The following GRXCR1 variants were observed in gnomAD, a reference collection of about 807,000 sequenced individuals.
GRXCR1 encodes the protein glutaredoxin and cysteine rich domain containing 1.
GRXCR1 carries 27 observed loss-of-function variants against 27.3 expected under a neutral mutation model. The ratio of observed to expected loss-of-function variants is 0.99; its 90% CI spans 0.73 to 1.37. GRXCR1 has a LOEUF of 1.37. GRXCR1 is among the 40% of genes most tolerant of loss of function. The pLI, the probability that GRXCR1 is intolerant of heterozygous loss-of-function variation, is 0.00. For missense variants in GRXCR1, 379 were observed against 354.4 expected (o/e 1.07, Z -0.56); for synonymous variants, 122 against 131.1 (o/e 0.93, Z 0.47).
chr4:42,904,048 G>C (rs1746529445), intron 1 of GRXCR1, among the ~76,000 whole-genome samples: 1 of 152,132 alleles, frequency 6.6e-6, no homozygotes, highest in Non-Finnish European at 1.5e-5. Flanking sequence ...CCTCCATGTA[G>C]GAATGGACAG....
intron 1 of GRXCR1, among the ~76,000 whole-genome samples, chr4:42,895,972 G>A (rs944709709): frequency 5.3e-5 from 8 of 152,038 alleles, no homozygotes; most frequent in Non-Finnish European, 1.0e-4. Context: ...GTGAGCAGTC[G>A]GTATCTTGGA....
At chr4:43,027,428 G>A (rs1386761475) in intron 3 of GRXCR1, among the ~76,000 whole-genome samples, 2 of 152,304 alleles carry the variant, frequency 1.3e-5, no homozygotes, top group Non-Finnish European at 2.9e-5. Context: ...AGAAACAGTA[G>A]ACTCTTGGTA....
At chr4:42,942,927 C>T (rs953156504) in intron 1 of GRXCR1, among the ~76,000 whole-genome samples, 1 of 151,970 alleles carries the variant, frequency 6.6e-6, no homozygotes, top group Non-Finnish European at 1.5e-5. Context: ...AGATATGATG[C>T]CATTAATAAA....
intron 3 of GRXCR1, among the ~76,000 whole-genome samples, chr4:43,026,257 A>G (rs1286395720): frequency 6.6e-6 from 1 of 152,186 alleles, no homozygotes; most frequent in African/African-American, 2.4e-5. Flanking sequence ...AGCATCCAAT[A>G]TAACCCAACT....
chr4:42,896,749 A>G (rs1746354556), intron 1 of GRXCR1, among the ~76,000 whole-genome samples: 1 of 152,134 alleles, frequency 6.6e-6, no homozygotes, highest in South Asian at 2.1e-4. Flanking sequence ...CCAAGGGTAA[A>G]TAAAAATATT....
At chr4:43,025,833 G>A (rs906424960) in intron 3 of GRXCR1, among the ~76,000 whole-genome samples, 2 of 152,022 alleles carry the variant, frequency 1.3e-5, no homozygotes, top group African/African-American at 4.8e-5. Flanking sequence ...AAAATTAGCC[G>A]GGCAGGGTGG....
intron 1 of GRXCR1, among the ~76,000 whole-genome samples, chr4:42,898,082 A>G (rs1036173909): frequency 2.6e-5 from 4 of 151,858 alleles, no homozygotes; most frequent in African/African-American, 4.8e-5. Context: ...GTGTTGTACT[A>G]TATGCATAAA....
At position 43,030,515 on chromosome 4, in the gene GRXCR1, A is replaced by G. The variant is rs1291906392; in HGVS notation, c.848A>G (p.Gln283Arg). The G allele has an allele frequency of 6.2e-7, 1 of 1,614,186 alleles. No individual in the cohort carries two copies. Among genetic ancestry groups the G allele is most frequent in the Non-Finnish European group, 8.5e-7 (1 of 1,180,016 alleles). Residue 283 changes from glutamine (Q) to arginine (R), a missense_variant, in exon 4 of 4, where the codon CAG becomes CGG. Transcript: ENST00000399770. ...ACGGCTTGCAATGAAAATGGTCTTC[A>G]GCGTTGTAAGAACTGTGCTGGTTAA... is the stretch of plus-strand genomic sequence containing the variant. ...KCTACNENGL[Q>R]RCKNCAG
At chr4:42,958,047 G>T (rs144699229) in intron 1 of GRXCR1, among the ~76,000 whole-genome samples, 6 of 151,886 alleles carry the variant, frequency 4.0e-5, no homozygotes, top group Non-Finnish European at 8.8e-5. Flanking sequence ...GGGCTTGTTT[G>T]TACCCATCTA....
At chr4:42,931,576 A>T (rs1297729358) in intron 1 of GRXCR1, among the ~76,000 whole-genome samples, 3 of 150,962 alleles carry the variant, frequency 2.0e-5, no homozygotes, top group Non-Finnish European at 4.4e-5. Context: ...GGTCCTTTCA[A>T]TTTTTTTTTA....
intron 1 of GRXCR1, among the ~76,000 whole-genome samples, chr4:42,930,723 T>A (rs1430968743): frequency 6.6e-6 from 1 of 152,012 alleles, no homozygotes; most frequent in Non-Finnish European, 1.5e-5. Flanking sequence ...ATTACCTTTT[T>A]GAGCCTTGGA....
intron 2 of GRXCR1, among the ~76,000 whole-genome samples, chr4:43,017,636 A>C (rs1356057882): frequency 6.6e-6 from 1 of 152,236 alleles, no homozygotes. Context: ...TATGGAAGAA[A>C]TATTTCCATA....
Position 42,965,853 on chromosome 4 carries a change from C to T in GRXCR1, c.627+2719C>T, listed in dbSNP as rs78614312. Among the ~76,000 whole-genome samples the T allele has an allele frequency of 7.0e-3, 1,064 of 151,984 alleles. 17 individuals carry two copies. Among genetic ancestry groups the T allele is most frequent in the East Asian group, 0.062 (321 of 5,156 alleles). On this transcript the variant is annotated intron_variant, in intron 2 of 3. Transcript: ENST00000399770. ...AGAACAAGAGAACATTTTGTAGCTC[C>T]CTTTGCATTACTGTCAGTGTTACCC...
At chr4:42,973,161 A>G (rs1276930138) in intron 2 of GRXCR1, among the ~76,000 whole-genome samples, 1 of 152,140 alleles carries the variant, frequency 6.6e-6, no homozygotes, top group Non-Finnish European at 1.5e-5. Context: ...CAAGTTTGCT[A>G]GTTCCCAGTT....
chr4:42,917,792 G>A (rs1746917836), intron 1 of GRXCR1, among the ~76,000 whole-genome samples: 2 of 152,082 alleles, frequency 1.3e-5, no homozygotes, highest in South Asian at 4.1e-4. Context: ...ACTATTAGAG[G>A]ACAAGATAAA....
At chr4:42,958,221 C>A (rs896059007) in intron 1 of GRXCR1, among the ~76,000 whole-genome samples, 2 of 151,994 alleles carry the variant, frequency 1.3e-5, no homozygotes, top group Non-Finnish European at 2.9e-5. Context: ...TGGCTGAATT[C>A]TTTCTTTTAA....
intron 2 of GRXCR1, among the ~76,000 whole-genome samples, chr4:43,002,663 T>A (rs2109797598): frequency 7.2e-6 from 1 of 137,952 alleles, no homozygotes; most frequent in Admixed American, 7.2e-5. Flanking sequence ...TTCCCTACAA[T>A]ATTTTAGGTG....
intron 3 of GRXCR1, among the ~76,000 whole-genome samples, chr4:43,024,197 C>CTTTTTTTTTTTTTT (rs60704333): frequency 1.5e-4 from 14 of 94,258 alleles, no homozygotes; most frequent in African/African-American, 5.7e-4. Flanking sequence ...ATTTTCTGTC[C>CTTTTTTTTTTTTTT]TTTTTTTTTT....
chr4:42,973,980 T>G (rs548464575), intron 2 of GRXCR1, among the ~76,000 whole-genome samples: 1 of 152,272 alleles, frequency 6.6e-6, no homozygotes, highest in Admixed American at 6.5e-5. Context: ...TTGGTGGCTA[T>G]CTGCACAACA....
Sources: allele counts gnomAD v4.1 joint callset (sites outside exome capture counted in the v4.1 genomes callset), GRCh38; gene constraint gnomAD v4.1.1; transcripts MANE v1.5; gene names NCBI Gene and HGNC (gene_info 2026-07-23, HGNC 2026-07-21).